M1AP: variants seen among roughly 807,000 people sequenced by gnomAD.
M1AP encodes the protein meiosis 1 arrest protein.
M1AP carries 39 observed loss-of-function variants against 51.2 expected under a neutral mutation model. The ratio of observed to expected loss-of-function variants is 0.76; its 90% CI spans 0.59 to 1.00. The LOEUF (loss-of-function observed/expected upper bound fraction) is 1.00. M1AP is among the 50% of genes least tolerant of loss of function. The pLI is 0.00. For missense variants in M1AP, 545 were observed against 641.2 expected, an observed-to-expected ratio of 0.85 and a Z score of 1.62; for synonymous variants, 251 against 249.2, an observed-to-expected ratio of 1.01 and a Z score of -0.07.
At chr2:74,601,566 A>T (rs984054522) in intron 4 of M1AP, among the ~76,000 whole-genome samples, 2 of 152,146 alleles carry the variant, frequency 1.3e-5, no homozygotes, top group African/African-American at 2.4e-5. Flanking sequence ...AAAAAATTTT[A>T]AAATAGCCAG....
chr2:74,563,427 C>T (rs1208893688), intron 7 of M1AP, among the ~76,000 whole-genome samples: 3 of 151,896 alleles, frequency 2.0e-5, no homozygotes, highest in South Asian at 2.1e-4. Flanking sequence ...GGTGAAACTC[C>T]ATCTCTACTA....
intron 3 of M1AP, among the ~76,000 whole-genome samples, chr2:74,610,149 A>C (rs1365064620): frequency 6.6e-6 from 1 of 151,302 alleles, no homozygotes; most frequent in Admixed American, 6.6e-5. Context: ...CCACAGATGC[A>C]TGCCACCATG....
Position 74,576,632 on chromosome 2 carries a change from A to G in M1AP, c.770-14T>C. The G allele has an allele frequency of 6.2e-7, 1 of 1,613,526 alleles. No individual in the cohort carries two copies. The highest frequency in any genetic ancestry group is 8.5e-7 in the Non-Finnish European group (1 of 1,179,508). On this transcript the variant is annotated splice_polypyrimidine_tract_variant and intron_variant, in intron 5 of 10. Transcript: ENST00000421985. ...ATTTCAGACACACTACAATAAAAGG[A>G]GATTACATTTCAGACACACTACAAT... is the stretch of plus-strand genomic sequence containing the variant.
chr2:74,607,039 G>A lies in M1AP; in HGVS notation c.595+16C>T. On this transcript the variant is annotated intron_variant, in intron 4 of 10. Transcript: ENST00000421985. ...AAATTCTTACAATTCTTTTTACCTT[G>A]TTAAAAAATTCTTACCATCATTGCT... 6.2e-7 allele frequency: 1 copy of A among 1,610,940 alleles called. No individual in the cohort carries two copies. Among genetic ancestry groups the A allele is most frequent in the Non-Finnish European group, 8.5e-7 (1 of 1,177,966 alleles).
At chr2:74,606,826 A>G (rs1286818211) in intron 4 of M1AP, among the ~76,000 whole-genome samples, 1 of 152,126 alleles carries the variant, frequency 6.6e-6, no homozygotes, top group African/African-American at 2.4e-5. Flanking sequence ...TCATTTAAGA[A>G]CACAAAAAGA....
chr2:74,635,943 A>G (rs1682966807), intron 2 of M1AP, among the ~76,000 whole-genome samples: 1 of 152,080 alleles, frequency 6.6e-6, no homozygotes, highest in Non-Finnish European at 1.5e-5. Flanking sequence ...GCTTGAAAAG[A>G]ATGTGCATTC....
chr2:74,561,189 G>A (rs1677954712), intron 8 of M1AP, among the ~76,000 whole-genome samples: 1 of 143,248 alleles, frequency 7.0e-6, no homozygotes, highest in African/African-American at 2.7e-5. Flanking sequence ...AGGAGAAGGA[G>A]GAGGAGGAGA....
At chr2:74,588,650 G>A (rs1375435379) in intron 4 of M1AP, among the ~76,000 whole-genome samples, 1 of 152,184 alleles carries the variant, frequency 6.6e-6, no homozygotes, top group Non-Finnish European at 1.5e-5. Context: ...GAAAAGAGTT[G>A]GCAGGGGTGG....
intron 3 of M1AP, among the ~76,000 whole-genome samples, chr2:74,611,136 C>A (rs1453350919): frequency 6.6e-6 from 1 of 152,086 alleles, no homozygotes; most frequent in Admixed American, 6.6e-5. Flanking sequence ...CTATAGTTTT[C>A]TTTTTTATTG....
At chr2:74,632,607 C>T (rs1682767077) in intron 2 of M1AP, among the ~76,000 whole-genome samples, 1 of 152,188 alleles carries the variant, frequency 6.6e-6, no homozygotes, top group Non-Finnish European at 1.5e-5. Context: ...CCCATGTCTG[C>T]ACTTATCTTC....
chr2:74,607,823 G>A (rs1558677676), intron 3 of M1AP, among the ~76,000 whole-genome samples: 1 of 152,034 alleles, frequency 6.6e-6, no homozygotes, highest in Admixed American at 6.6e-5. Flanking sequence ...AAGACTGGAC[G>A]GTAATCATTA....
At chr2:74,582,523 T>A (rs1679467535) in intron 4 of M1AP, among the ~76,000 whole-genome samples, 1 of 152,296 alleles carries the variant, frequency 6.6e-6, no homozygotes, top group South Asian at 2.1e-4. Flanking sequence ...AGAACAGATA[T>A]AACATGATCC....
At chr2:74,590,353 C>A (rs1679967360) in intron 4 of M1AP, among the ~76,000 whole-genome samples, 1 of 151,670 alleles carries the variant, frequency 6.6e-6, no homozygotes, top group Non-Finnish European at 1.5e-5. Flanking sequence ...AGGATTCTGC[C>A]CTCCCTCATG....
At chr2:74,560,916 C>T (rs138342674) in intron 8 of M1AP, among the ~76,000 whole-genome samples, 124 of 152,250 alleles carry the variant, frequency 8.1e-4, no homozygotes, top group African/African-American at 2.7e-3. Flanking sequence ...TTTAAGCTAG[C>T]GAGCCAGCAG....
At chr2:74,559,176 T>C (rs987141273) in intron 10 of M1AP, among the ~76,000 whole-genome samples, 1 of 151,626 alleles carries the variant, frequency 6.6e-6, no homozygotes, top group African/African-American at 2.4e-5. Context: ...TTTTTTTTTT[T>C]TTGACAGGAT....
chr2:74,559,324 A>T (rs1369988107), intron 10 of M1AP, among the ~76,000 whole-genome samples: 1 of 151,618 alleles, frequency 6.6e-6, no homozygotes, highest in Non-Finnish European at 1.5e-5. Flanking sequence ...CTCCTGGCTA[A>T]TTTTTTTTGT....
chr2:74,583,200 T>C (rs1281746365), intron 4 of M1AP, among the ~76,000 whole-genome samples: 1 of 152,012 alleles, frequency 6.6e-6, no homozygotes, highest in Non-Finnish European at 1.5e-5. Context: ...TATTTTACAG[T>C]GAAAATGTGT....
In M1AP at chr2:74,607,113, T is replaced by C. The variant is rs762508521; in HGVS notation, c.537A>G (p.Thr179=). ...AGTCCACGTGCTCTAGGATTCCCTT[T>C]GTGACCTCAACGACCTGAAACCTCC... The part of the protein sequence containing the change: ...RVRRFQVVEV[T]KGILEHVDSA... Residue 179 remains threonine (T), a synonymous_variant, in exon 4 of 11, where the codon ACA becomes ACG. Transcript: ENST00000421985. 3.1e-6 allele frequency: 5 copies of C among 1,614,088 alleles called. No homozygotes were observed. In the Admixed American group the frequency reaches 8.3e-5, roughly 27 times the overall value.
rs1424482222 is a variant in M1AP at position 74,594,402 on chromosome 2, GAA to G, written c.596-12557_596-12556del. On this transcript the variant is annotated intron_variant, in intron 4 of 10. Transcript: ENST00000421985. ...AATAGAAAATATGTTCATAAAAAAT[GAA>G]AAGATAGGACAATACCAACCAACCA... Among the ~76,000 whole-genome samples, 5 of 152,260 alleles carry G rather than the reference GAA, an allele frequency of 3.3e-5. No homozygotes were observed. The East Asian group carries it at 9.6e-4, about 29-fold the overall frequency.
Sources: gnomAD v4.1 joint callset for allele counts (sites outside exome capture counted in the v4.1 genomes callset) on GRCh38, gnomAD v4.1.1 for gene constraint, MANE v1.5 for transcripts, NCBI Gene and HGNC (gene_info 2026-07-23, HGNC 2026-07-21) for gene names.